The following RBMS3 variants were observed in gnomAD, a reference collection of about 807,000 sequenced individuals.
RBMS3 encodes the protein RNA-binding motif, single-stranded-interacting protein 3.
A neutral mutation model predicts 66.8 loss-of-function variants in RBMS3; 27 were observed. That is an observed-to-expected ratio of 0.40 (90% CI 0.30 to 0.56). The LOEUF (loss-of-function observed/expected upper bound fraction) is 0.56. Ranked by LOEUF, RBMS3 falls within the 20% of genes least tolerant of loss-of-function variation. The pLI is 0.40. For missense variants in RBMS3, 513 were observed against 549.5 expected, an observed-to-expected ratio of 0.93 and a Z score of 0.66; for synonymous variants, 188 against 183.0, an observed-to-expected ratio of 1.03 and a Z score of -0.22.
At chr3:29,350,718 G>T (rs1559508193) in intron 1 of RBMS3, among the ~76,000 whole-genome samples, 1 of 152,052 alleles carries the variant, frequency 6.6e-6, no homozygotes, top group Non-Finnish European at 1.5e-5. Flanking sequence ...CGATTGTTTA[G>T]GGGAATAGTT....
chr3:29,921,888 A>T (rs1445421309), intron 10 of RBMS3, among the ~76,000 whole-genome samples: 1 of 152,076 alleles, frequency 6.6e-6, no homozygotes, highest in South Asian at 2.1e-4. Flanking sequence ...ATTCCTGGGG[A>T]CCCAGAGCCT....
intron 6 of RBMS3, among the ~76,000 whole-genome samples, chr3:29,812,859 AT>A (rs2057767598): frequency 6.6e-6 from 1 of 152,022 alleles, no homozygotes; most frequent in African/African-American, 2.4e-5. Flanking sequence ...AATAAATTGC[AT>A]TGTCATTATA....
chr3:29,899,664 C>G (rs745582573), intron 9 of RBMS3, 41 bp from the exon 10 acceptor site: 1 of 1,586,926 alleles, frequency 6.3e-7, no homozygotes, highest in South Asian at 1.1e-5. Flanking sequence ...CAAGTTCTCT[C>G]TATGATTGCT....
intron 4 of RBMS3, chr3:29,696,820 C>G: frequency 9.8e-6 from 4 of 408,762 alleles, no homozygotes; most frequent in Non-Finnish European, 1.3e-5. Flanking sequence ...CCTAGGGCAA[C>G]TCCAAGAGCC....
intron 7 of RBMS3, among the ~76,000 whole-genome samples, chr3:29,872,112 C>T (rs1223203120): frequency 6.6e-6 from 1 of 152,004 alleles, no homozygotes; most frequent in Non-Finnish European, 1.5e-5. Flanking sequence ...GCTCTTCTTC[C>T]TTGGTGTTCT....
intron 2 of RBMS3, among the ~76,000 whole-genome samples, chr3:29,457,066 C>T (rs2042216006): frequency 6.6e-6 from 1 of 152,134 alleles, no homozygotes; most frequent in Non-Finnish European, 1.5e-5. Flanking sequence ...CACTTCATCC[C>T]AGGTAGAATA....
rs1234832081 is a variant in RBMS3 at position 29,728,491 on chromosome 3, C to CA, written c.400-11228dup. 3.3e-5 allele frequency among the ~76,000 whole-genome samples: 5 copies of CA among 152,278 alleles called. No homozygotes were observed. The East Asian group carries it at 9.6e-4, about 29-fold the overall frequency. On this transcript the variant is annotated intron_variant, in intron 4 of 14. Transcript: ENST00000383767. ...TTTGAACACCCTCAACTCACTGTTG[C>CA]ACCTCTTCTTTGCTGTTTCTCTACC...
chr3:29,946,668 T>A (rs936491598), intron 12 of RBMS3, among the ~76,000 whole-genome samples: 14 of 151,660 alleles, frequency 9.2e-5, no homozygotes, highest in African/African-American at 3.1e-4. Context: ...CAAATACTGT[T>A]TGGTTTTCTG....
At chr3:29,431,353 C>T (rs1183123633) in intron 1 of RBMS3, among the ~76,000 whole-genome samples, 11 of 142,746 alleles carry the variant, frequency 7.7e-5, no homozygotes, top group African/African-American at 2.9e-4. Flanking sequence ...AGTACAGTGG[C>T]GCAATCTCGG....
At chr3:29,284,862 C>CTTTTTT (rs773078453) in intron 1 of RBMS3, among the ~76,000 whole-genome samples, 9 of 112,764 alleles carry the variant, frequency 8.0e-5, no homozygotes, top group Admixed American at 2.0e-4. Flanking sequence ...ATGAATTTTT[C>CTTTTTT]TTTTTTTTTT....
rs140903897 is a variant in RBMS3, at chr3:29,868,952, C to G, written c.732C>G (p.Pro244=). ...SKYTQNGRPW[P]REGEAGMALT... Reference sequence around the variant, plus strand: ...ATACCCAGAATGGGAGGCCTTGGCCCAGGGAAGGAGAGGTGAGTCCTGACT... The same window carrying G: ...ATACCCAGAATGGGAGGCCTTGGCCGAGGGAAGGAGAGGTGAGTCCTGACT... Residue 244 remains proline (P), a synonymous_variant, in exon 7 of 15, where the codon CCC becomes CCG. Coordinates refer to ENST00000383767, the MANE Select transcript of RBMS3 (RefSeq NM_001003793.3). 2.2e-4 allele frequency: 345 copies of G among 1,596,808 alleles called. No individual in the cohort carries two copies. The highest frequency in any genetic ancestry group is 2.7e-4 in the Non-Finnish European group (321 of 1,170,538).
chr3:29,907,887 A>G (rs1286247272), intron 10 of RBMS3, among the ~76,000 whole-genome samples: 1 of 152,032 alleles, frequency 6.6e-6, no homozygotes, highest in Non-Finnish European at 1.5e-5. Flanking sequence ...ATCCAGTTTA[A>G]AAAATAATCT....
chr3:29,542,391 C>T (rs1477428224), intron 3 of RBMS3, among the ~76,000 whole-genome samples: 2 of 152,052 alleles, frequency 1.3e-5, no homozygotes, highest in Admixed American at 6.5e-5. Context: ...GAAAGAGTCT[C>T]ACCCAGTCGC....
chr3:29,853,419 CTTTCT>C (rs1311595344), intron 6 of RBMS3, among the ~76,000 whole-genome samples: 29 of 87,452 alleles, frequency 3.3e-4, no homozygotes, highest in Middle Eastern at 6.5e-3. Flanking sequence ...CTACAATTTA[CTTTCT>C]TTTTTTTTTT....
intron 6 of RBMS3, among the ~76,000 whole-genome samples, chr3:29,867,037 C>T (rs1355337394): frequency 1.3e-5 from 2 of 152,088 alleles, no homozygotes; most frequent in African/African-American, 2.4e-5. Context: ...TACTGATAAA[C>T]AGAGTTGCTG....
chr3:29,940,857 A>AT (rs1366113556), intron 11 of RBMS3, among the ~76,000 whole-genome samples: 9 of 151,162 alleles, frequency 6.0e-5, no homozygotes, highest in African/African-American at 1.9e-4. Flanking sequence ...ACTTTTGTTT[A>AT]TTTTTTTGTC....
At chr3:29,545,090 G>T (rs182266933) in intron 3 of RBMS3, among the ~76,000 whole-genome samples, 4 of 152,114 alleles carry the variant, frequency 2.6e-5, no homozygotes, top group African/African-American at 9.6e-5. Context: ...ACAATGAAAA[G>T]AAACTAAAAG....
intron 10 of RBMS3, among the ~76,000 whole-genome samples, chr3:29,935,399 A>T (rs2371903): frequency 2.6e-5 from 4 of 152,126 alleles, no homozygotes; most frequent in South Asian, 2.1e-4. Context: ...TGACACTTTT[A>T]TTTTTAAAAA....
intron 2 of RBMS3, among the ~76,000 whole-genome samples, chr3:29,448,515 C>T (rs1173984166): frequency 1.3e-5 from 2 of 152,178 alleles, no homozygotes; most frequent in African/African-American, 2.4e-5. Flanking sequence ...TATTAGGATA[C>T]AACTTTACGC....
Sources: allele counts gnomAD v4.1 joint callset (sites outside exome capture counted in the v4.1 genomes callset), GRCh38; gene constraint gnomAD v4.1.1; transcripts MANE v1.5; gene names NCBI Gene and HGNC (gene_info 2026-07-23, HGNC 2026-07-21).